The following PLEKHH2 variants were observed in gnomAD, a reference collection of about 807,000 sequenced individuals.
PLEKHH2 encodes pleckstrin homology domain-containing family H member 2.
Under a neutral mutation model 187.9 loss-of-function variants are expected in PLEKHH2, and 129 were observed. That is an observed-to-expected ratio of 0.69 (90% CI 0.59 to 0.79). The LOEUF is 0.79. Ranked by LOEUF, PLEKHH2 falls within the 30% of genes least tolerant of loss-of-function variation. The pLI, the probability that PLEKHH2 is intolerant of heterozygous loss-of-function variation, is 0.00. For synonymous variants in PLEKHH2, 686 were observed against 605.6 expected (o/e 1.13, Z -1.95); for missense variants, 2,076 against 1,751.2 (o/e 1.19, Z -3.31).
At chr2:43,750,496 G>A (rs952828937) in intron 24 of PLEKHH2, among the ~76,000 whole-genome samples, 1 of 151,210 alleles carries the variant, frequency 6.6e-6, no homozygotes, top group Non-Finnish European at 1.5e-5. Flanking sequence ...AAAAAAAAGA[G>A]AGAGAGAGAC....
At chr2:43,703,275 G>T (rs1572585155) in intron 8 of PLEKHH2, among the ~76,000 whole-genome samples, 1 of 152,278 alleles carries the variant, frequency 6.6e-6, no homozygotes, top group Middle Eastern at 3.4e-3. Flanking sequence ...CTTTTCTCAA[G>T]GGAGCAGGGC....
intron 20 of PLEKHH2, 21 bp from the exon 21 acceptor site, chr2:43,740,925 G>A (rs749540241): frequency 2.1e-4 from 339 of 1,611,886 alleles, no homozygotes; most frequent in Non-Finnish European, 2.8e-4. Flanking sequence ...TATCTAACCT[G>A]TGGTGCTTCT....
In PLEKHH2 at chr2:43,726,256, C is replaced by G. The variant is rs200119605; in HGVS notation, c.2542-16C>G. ...TTAGAAAATGCCTTCCTCACAATTA[C>G]TAATATTTACTTTAGTTTCCTTTAG... On this transcript the variant is annotated splice_polypyrimidine_tract_variant and intron_variant, in intron 16 of 29. Coordinates refer to ENST00000282406, the MANE Select transcript of PLEKHH2 (RefSeq NM_172069.4). The G allele has an allele frequency of 1.6e-5, 25 of 1,560,272 alleles. No homozygotes were observed. The Admixed American group carries it at 1.9e-4, about 12-fold the overall frequency.
At chr2:43,695,574 C>A (rs1394348303) in intron 6 of PLEKHH2, among the ~76,000 whole-genome samples, 2 of 152,312 alleles carry the variant, frequency 1.3e-5, no homozygotes, top group East Asian at 3.9e-4. Flanking sequence ...GCTAAAAGTA[C>A]TGTACAGAGA....
chr2:43,680,277 T>C (rs1668101266), intron 3 of PLEKHH2, among the ~76,000 whole-genome samples: 1 of 152,222 alleles, frequency 6.6e-6, no homozygotes, highest in African/African-American at 2.4e-5. Flanking sequence ...GAGAGGATTT[T>C]GAATGTTCAC....
Position 43,681,540 on chromosome 2 carries a change from G to C in PLEKHH2, c.186+2615G>C, listed in dbSNP as rs186715592. The C allele has an allele frequency of 1.5e-4, 209 of 1,424,744 alleles. 1 individual carries two copies. The African/African-American group carries it at 2.7e-3, about 19-fold the overall frequency. 88.3% of individuals were successfully genotyped at this position (1,424,744 alleles called of 1,614,324 possible). The stretch of plus-strand genomic sequence containing the variant: ...CTGGCCAGAAATGTGCTTTGCGTAT[G>C]CAGAAAGACTCACTTCTGTGGGCCC... On this transcript the variant is annotated intron_variant, in intron 3 of 29. Transcript: ENST00000282406.
At chr2:43,717,890 A>G (rs1217978699) in intron 15 of PLEKHH2, among the ~76,000 whole-genome samples, 2 of 152,354 alleles carry the variant, frequency 1.3e-5, no homozygotes, top group Non-Finnish European at 2.9e-5. Context: ...CACATCATAA[A>G]CACACCAAAA....
At chr2:43,724,497 C>G (rs1374399755) in intron 16 of PLEKHH2, among the ~76,000 whole-genome samples, 2 of 152,162 alleles carry the variant, frequency 1.3e-5, no homozygotes, top group Non-Finnish European at 2.9e-5. Flanking sequence ...GCCAAATATT[C>G]AACACACCAG....
intron 2 of PLEKHH2, among the ~76,000 whole-genome samples, chr2:43,657,680 T>C (rs1320521952): frequency 6.6e-6 from 1 of 152,216 alleles, no homozygotes; most frequent in Non-Finnish European, 1.5e-5. Flanking sequence ...TTTCTGTCTA[T>C]TGAGAAATTG....
chr2:43,700,381 G>A lies in PLEKHH2; in HGVS notation c.1423G>A (p.Ala475Thr), dbSNP rs199597847. ...SDRMFGTNRN[A>T]ISMIRPLRPQ... ...CAGGATGTTTGGTACAAATAGAAAC[G>A]CTATAAGCATGATACGACCACTGAG... Residue 475 changes from alanine to threonine, a missense_variant, in exon 8 of 30, where the codon GCT becomes ACT. Coordinates refer to ENST00000282406, the MANE Select transcript of PLEKHH2 (RefSeq NM_172069.4). The A allele has an allele frequency of 2.2e-5, 36 of 1,613,960 alleles. No homozygotes were observed. In the East Asian group the frequency reaches 3.6e-4, roughly 16 times the overall value.
At chr2:43,720,063 G>A (rs1334652926) in intron 15 of PLEKHH2, among the ~76,000 whole-genome samples, 2 of 152,148 alleles carry the variant, frequency 1.3e-5, no homozygotes, top group Non-Finnish European at 2.9e-5. Context: ...ATTGCATAGT[G>A]ATTCTGTCAG....
At chr2:43,763,860 A>T (rs923012293) in intron 28 of PLEKHH2, among the ~76,000 whole-genome samples, 6 of 152,186 alleles carry the variant, frequency 3.9e-5, no homozygotes, top group African/African-American at 1.4e-4. Flanking sequence ...GACCATGAAA[A>T]GTATCAGTAA....
Position 43,710,041 on chromosome 2 carries a change from A to G in PLEKHH2, c.2018A>G (p.Asp673Gly). 4 of 1,613,060 alleles carry G rather than the reference A, an allele frequency of 2.5e-6. No homozygotes were observed. Among genetic ancestry groups the G allele is most frequent in the Non-Finnish European group, 2.5e-6 (3 of 1,179,194 alleles). ...ASESDYAIPP[D>G]AYSTDTEYSQ... ...GAAAGTGATTATGCTATTCCTCCTG[A>G]TGCTTACTCCACAGACACGGAGTAC... Residue 673 changes from aspartate to glycine, a missense_variant, in exon 12 of 30, where the codon GAT (aspartate) becomes GGT (glycine). Coordinates refer to ENST00000282406, the MANE Select transcript of PLEKHH2 (RefSeq NM_172069.4).
intron 18 of PLEKHH2, 54 bp from the exon 19 acceptor site, chr2:43,731,436 G>A: frequency 8.6e-7 from 1 of 1,161,290 alleles, no homozygotes; most frequent in Non-Finnish European, 1.3e-6. Flanking sequence ...TTTAATAAGA[G>A]GCCACAATAA....
chr2:43,672,422 T>A (rs1036435176), intron 2 of PLEKHH2, among the ~76,000 whole-genome samples: 1 of 152,188 alleles, frequency 6.6e-6, no homozygotes, highest in African/African-American at 2.4e-5. Context: ...TCTGTTGGCT[T>A]TAGGTTTAAT....
chr2:43,751,203 A>G (rs1005691161), intron 24 of PLEKHH2, among the ~76,000 whole-genome samples: 1 of 152,236 alleles, frequency 6.6e-6, no homozygotes, highest in Admixed American at 6.5e-5. Flanking sequence ...TACCATGAGT[A>G]TGACGCATAC....
At position 43,764,321 on chromosome 2, in the gene PLEKHH2, G is replaced by C. The variant is rs775279501; in HGVS notation, c.4252G>C (p.Asp1418His). 3.7e-6 allele frequency: 6 copies of C among 1,611,728 alleles called. No individual in the cohort carries two copies. Among genetic ancestry groups the C allele is most frequent in the Non-Finnish European group, 3.4e-6 (4 of 1,178,906 alleles). Residue 1418 changes from aspartate to histidine, a missense_variant, in exon 29 of 30, where the codon GAC becomes CAC. Physicochemically the swap from Asp to His is moderately conservative, Grantham distance 81 (BLOSUM62 -1). Coordinates refer to ENST00000282406, the MANE Select transcript of PLEKHH2 (RefSeq NM_172069.4). ...MVVINNTHSK[D>H]KPTEKLLFAM... ...AGTCATTAACAATACACATTCAAAG[G>C]ACAAACCAACAGAGAAATTACTTTT...
At chr2:43,750,807 C>T (rs1671979390) in intron 24 of PLEKHH2, among the ~76,000 whole-genome samples, 1 of 152,168 alleles carries the variant, frequency 6.6e-6, no homozygotes, top group Non-Finnish European at 1.5e-5. Context: ...CCATTCATGC[C>T]ATCTACCAGT....
intron 18 of PLEKHH2, among the ~76,000 whole-genome samples, chr2:43,731,159 A>C (rs1030811747): frequency 1.3e-5 from 2 of 152,196 alleles, no homozygotes; most frequent in Admixed American, 1.3e-4. Flanking sequence ...GAGGCAAATC[A>C]GTTTCAGTAT....
Sources: allele counts gnomAD v4.1 joint callset (sites outside exome capture counted in the v4.1 genomes callset), GRCh38; gene constraint gnomAD v4.1.1; transcripts MANE v1.5; gene names NCBI Gene and HGNC (gene_info 2026-07-23, HGNC 2026-07-21).